Variants in CDK6 observed in about 807,000 individuals in gnomAD.
CDK6 encodes the protein cyclin-dependent kinase 6.
CDK6 carries 6 observed loss-of-function variants against 37.1 expected under a neutral mutation model. That is an observed-to-expected ratio of 0.16 (90% CI 0.09 to 0.32). CDK6 has a LOEUF of 0.32. Ranked by LOEUF, CDK6 falls within the 10% of genes least tolerant of loss-of-function variation. The probability of loss-of-function intolerance (pLI) is 1.00; values close to 1 mark genes in which losing one functional copy is unlikely to be tolerated. For synonymous variants in CDK6, 160 were observed against 161.3 expected, an observed-to-expected ratio of 0.99 and a Z score of 0.06; for missense variants, 224 against 418.9, an observed-to-expected ratio of 0.53 and a Z score of 4.06.
At chr7:92,810,194 A>G (rs547160775) in intron 2 of CDK6, among the ~76,000 whole-genome samples, 1 of 152,330 alleles carries the variant, frequency 6.6e-6, no homozygotes, top group East Asian at 1.9e-4. Flanking sequence ...TTATACCTCT[A>G]GTTTCCAGTA....
intron 4 of CDK6, among the ~76,000 whole-genome samples, chr7:92,716,924 T>C (rs1798241960): frequency 6.6e-6 from 1 of 152,204 alleles, no homozygotes; most frequent in Non-Finnish European, 1.5e-5. Flanking sequence ...TCTGGATCCC[T>C]GAGAAGCCCT....
intron 5 of CDK6, 49 bp downstream of exon 5, chr7:92,671,377 C>T (rs1797068688): frequency 1.6e-6 from 2 of 1,215,550 alleles, no homozygotes; most frequent in African/African-American, 3.1e-5. Flanking sequence ...CACAAAGATC[C>T]ACAGTCTCTT....
rs187737868 is a variant in CDK6 at position 92,787,890 on chromosome 7, A to G, written c.234-13059T>C. On this transcript the variant is annotated intron_variant, in intron 2 of 7. Transcript: ENST00000424848. Reference sequence around the variant, plus strand: ...CAAGCAACCAAAATAAAGCTTGGTCAAAAATAAAGATCCTTATAAAAATTA... The same window carrying G: ...CAAGCAACCAAAATAAAGCTTGGTCGAAAATAAAGATCCTTATAAAAATTA... Among the ~76,000 whole-genome samples the G allele has an allele frequency of 2.0e-5, 3 of 152,280 alleles. No individual in the cohort carries two copies. In the East Asian group the frequency reaches 5.8e-4, roughly 29 times the overall value.
At chr7:92,790,191 A>AC (rs1352152172) in intron 2 of CDK6, among the ~76,000 whole-genome samples, 2 of 152,136 alleles carry the variant, frequency 1.3e-5, no homozygotes, top group Non-Finnish European at 2.9e-5. Context: ...GGTGAATCAC[A>AC]CCCCCATCCA....
At chr7:92,764,117 G>A (rs1311468383) in intron 3 of CDK6, among the ~76,000 whole-genome samples, 1 of 150,672 alleles carries the variant, frequency 6.6e-6, no homozygotes, top group East Asian at 1.9e-4. Flanking sequence ...CCATTACATG[G>A]TAGTAGCCAA....
At chr7:92,660,191 C>T (rs1312607571) in intron 5 of CDK6, among the ~76,000 whole-genome samples, 1 of 152,198 alleles carries the variant, frequency 6.6e-6, no homozygotes, top group African/African-American at 2.4e-5. Context: ...ATTGCTGCAC[C>T]TATGGTGGAC....
chr7:92,729,059 A>G (rs1334589188), intron 3 of CDK6, among the ~76,000 whole-genome samples: 1 of 152,210 alleles, frequency 6.6e-6, no homozygotes, highest in East Asian at 1.9e-4. Context: ...CATAAGATAT[A>G]GTCCCAATTC....
intron 3 of CDK6, among the ~76,000 whole-genome samples, chr7:92,744,176 A>G (rs1799000327): frequency 6.6e-6 from 1 of 152,166 alleles, no homozygotes. Context: ...TCACACTGCT[A>G]ATAAAGACGT....
intron 4 of CDK6, among the ~76,000 whole-genome samples, chr7:92,713,432 A>T (rs923782786): frequency 2.0e-5 from 3 of 152,152 alleles, no homozygotes; most frequent in African/African-American, 7.2e-5. Flanking sequence ...GTTTTATTAA[A>T]GCTATATTGG....
At chr7:92,768,863 G>A (rs1350277831) in intron 3 of CDK6, among the ~76,000 whole-genome samples, 3 of 152,110 alleles carry the variant, frequency 2.0e-5, no homozygotes, top group African/African-American at 4.8e-5. Flanking sequence ...TCACCTGCTC[G>A]TAATTCAGGC....
chr7:92,710,621 G>T, intron 4 of CDK6: 1 of 728,804 alleles, frequency 1.4e-6, no homozygotes. Context: ...CTATAAATGG[G>T]TCCAGAAAAA....
At chr7:92,618,372 T>C in intron 6 of CDK6, 165 bp from the exon 7 acceptor site, 1 of 602,800 alleles carries the variant, frequency 1.7e-6, no homozygotes, top group Non-Finnish European at 2.9e-6. Context: ...TCTGTCCTAC[T>C]GCAATATGGT....
At chr7:92,821,702 A>G (rs1409430676) in intron 2 of CDK6, among the ~76,000 whole-genome samples, 1 of 151,002 alleles carries the variant, frequency 6.6e-6, no homozygotes, top group Non-Finnish European at 1.5e-5. Flanking sequence ...TTTCATTACT[A>G]TATATATTGT....
intron 7 of CDK6, among the ~76,000 whole-genome samples, chr7:92,615,889 A>C (rs1392389486): frequency 6.6e-6 from 1 of 152,232 alleles, no homozygotes; most frequent in East Asian, 1.9e-4. Flanking sequence ...AGGGAAAGGG[A>C]AACCTTTGCA....
chr7:92,614,460 C>G lies in CDK6; in HGVS notation c.*680G>C. The G allele has an allele frequency of 4.3e-6, 1 of 233,036 alleles. No individual in the cohort carries two copies. Among genetic ancestry groups the G allele is most frequent in the African/African-American group, 2.2e-5 (1 of 45,418 alleles). 14.4% of individuals were successfully genotyped at this position (233,036 alleles called of 1,614,324 possible). On this transcript the variant is annotated 3_prime_UTR_variant, in exon 8 of 8. Transcript: ENST00000424848. ...CTTAAAATATACTAGAATTTTTTCTCCTTTTTGCTGTGTGTATAAAACTTC... is the reference window on the plus strand; with the variant it reads ...CTTAAAATATACTAGAATTTTTTCTGCTTTTTGCTGTGTGTATAAAACTTC...
At chr7:92,736,466 C>T (rs867563682) in intron 3 of CDK6, among the ~76,000 whole-genome samples, 2 of 152,236 alleles carry the variant, frequency 1.3e-5, no homozygotes, top group Middle Eastern at 3.4e-3. Flanking sequence ...GGCACAAGAG[C>T]GCTAGGCACT....
intron 4 of CDK6, among the ~76,000 whole-genome samples, chr7:92,691,704 G>T (rs1315837257): frequency 1.3e-5 from 2 of 152,156 alleles, no homozygotes; most frequent in African/African-American, 4.8e-5. Context: ...TTCACAGTTA[G>T]AGCCAGCAGA....
chr7:92,744,040 A>G (rs566557743), intron 3 of CDK6, among the ~76,000 whole-genome samples: 3 of 152,202 alleles, frequency 2.0e-5, no homozygotes, highest in African/African-American at 7.2e-5. Context: ...AAAAAAATTT[A>G]TTGTCTTTCC....
At chr7:92,665,077 G>A (rs533979536) in intron 5 of CDK6, among the ~76,000 whole-genome samples, 10 of 152,202 alleles carry the variant, frequency 6.6e-5, no homozygotes, top group East Asian at 3.9e-4. Flanking sequence ...GAGTCACCAC[G>A]CCTGGCCGCA....
Sources: gnomAD v4.1 joint callset for allele counts (sites outside exome capture counted in the v4.1 genomes callset) on GRCh38, gnomAD v4.1.1 for gene constraint, MANE v1.5 for transcripts, NCBI Gene and HGNC (gene_info 2026-07-23, HGNC 2026-07-21) for gene names.